The following ASCC3 variants were observed in gnomAD, a reference collection of about 807,000 sequenced individuals.
ASCC3 encodes activating signal cointegrator 1 complex subunit 3, also known as ASC-1 complex subunit P200.
Under a neutral mutation model 256.3 loss-of-function variants are expected in ASCC3, and 158 were observed. The observed-to-expected ratio is 0.62, with a 90% CI of 0.54 to 0.70. The LOEUF (loss-of-function observed/expected upper bound fraction) is 0.70. ASCC3 is among the 30% of genes least tolerant of loss of function. The pLI is 0.00. For missense variants in ASCC3, 2,259 were observed against 2,626.0 expected (o/e 0.86, Z 3.05); for synonymous variants, 948 against 883.4 (o/e 1.07, Z -1.30).
chr6:100,782,624 T>TCA (rs2114263887), intron 8 of ASCC3, among the ~76,000 whole-genome samples: 1 of 152,300 alleles, frequency 6.6e-6, no homozygotes, highest in South Asian at 2.1e-4. Context: ...AAATTATTTG[T>TCA]AATACCAAAA....
chr6:100,811,115 C>A (rs893976840), intron 4 of ASCC3, among the ~76,000 whole-genome samples: 1 of 152,066 alleles, frequency 6.6e-6, no homozygotes, highest in Non-Finnish European at 1.5e-5. Flanking sequence ...GGAGTTGAAT[C>A]AAAAAATCAC....
intron 22 of ASCC3, among the ~76,000 whole-genome samples, chr6:100,644,933 G>C (rs2114898579): frequency 1.3e-5 from 2 of 152,300 alleles, no homozygotes; most frequent in South Asian, 4.1e-4. Flanking sequence ...TGGGTGAAAA[G>C]TTCCTGGTCT....
intron 11 of ASCC3, among the ~76,000 whole-genome samples, chr6:100,719,236 T>C (rs1779214822): frequency 6.6e-6 from 1 of 152,070 alleles, no homozygotes; most frequent in Non-Finnish European, 1.5e-5. Flanking sequence ...TATAAATTTG[T>C]TTTCACTGAA....
chr6:100,519,890 G>GAAATAAATT (rs1562089508), intron 37 of ASCC3, among the ~76,000 whole-genome samples: 1 of 152,046 alleles, frequency 6.6e-6, no homozygotes, highest in African/African-American at 2.4e-5. Context: ...CTACTTATAT[G>GAAATAAATT]AAATAAATTA....
Position 100,629,005 on chromosome 6 carries a change from T to C in ASCC3, c.4375+10A>G, listed in dbSNP as rs775861040. On this transcript the variant is annotated intron_variant, in intron 27 of 41. Coordinates refer to ENST00000369162, the MANE Select transcript of ASCC3 (RefSeq NM_006828.4). ...GTTTGTAAACTGGCTTTAGATACAG[T>C]GGTACCTACCAAGCAGATGGATCTC... 6 of 1,611,382 alleles carry C rather than the reference T, an allele frequency of 3.7e-6. No individual in the cohort carries two copies. In the East Asian group the frequency reaches 8.9e-5, roughly 24 times the overall value.
At chr6:100,676,743 C>T (rs970088144) in intron 14 of ASCC3, among the ~76,000 whole-genome samples, 43 of 129,682 alleles carry the variant, frequency 3.3e-4, no homozygotes, top group African/African-American at 8.6e-4. Context: ...TGTGCGCGCG[C>T]GTGCGCGCAC....
chr6:100,821,619 T>C (rs781414699), intron 4 of ASCC3, among the ~76,000 whole-genome samples: 5 of 151,492 alleles, frequency 3.3e-5, no homozygotes, highest in Non-Finnish European at 5.9e-5. Context: ...AGGTCAGGAG[T>C]TCGAGGCCAG....
At chr6:100,721,797 TG>T (rs34171429) in intron 11 of ASCC3, among the ~76,000 whole-genome samples, 67,045 of 150,554 alleles carry the variant, frequency 0.45, 15,061 homozygotes, top group South Asian at 0.6. Context: ...AATTTTTTGT[TG>T]TTGTTGTTGC....
chr6:100,658,663 C>G (rs1776039277), intron 16 of ASCC3, among the ~76,000 whole-genome samples: 1 of 151,362 alleles, frequency 6.6e-6, no homozygotes. Context: ...GACAGTATCT[C>G]TATTTACAAG....
At chr6:100,705,366 A>T (rs548827180) in intron 13 of ASCC3, among the ~76,000 whole-genome samples, 19 of 152,188 alleles carry the variant, frequency 1.2e-4, no homozygotes, top group African/African-American at 4.3e-4. Flanking sequence ...TTTTTGAACA[A>T]GAAATTTGTT....
intron 24 of ASCC3, among the ~76,000 whole-genome samples, chr6:100,642,357 C>A (rs1022282998): frequency 6.6e-6 from 1 of 151,292 alleles, no homozygotes; most frequent in Admixed American, 6.6e-5. Context: ...ATTTAACATA[C>A]TAGAAATAAG....
intron 30 of ASCC3, among the ~76,000 whole-genome samples, chr6:100,607,613 AAAT>A (rs1443234573): frequency 1.3e-5 from 2 of 152,042 alleles, no homozygotes; most frequent in Non-Finnish European, 1.5e-5. Context: ...TGTAAATTTG[AAAT>A]AATAACAGTA....
intron 13 of ASCC3, among the ~76,000 whole-genome samples, chr6:100,691,659 G>A (rs544058031): frequency 4.0e-5 from 6 of 151,812 alleles, no homozygotes; most frequent in Non-Finnish European, 7.4e-5. Flanking sequence ...AATCATACAC[G>A]TTAATTTTAC....
At position 100,800,345 on chromosome 6, in the gene ASCC3, G is replaced by A. The variant is rs201847382; in HGVS notation, c.1082C>T (p.Ser361Leu). The part of the protein sequence containing the change: ...EKKAGEDLEV[S>L]EGLMCFDPKE... ...AGGATCAAAGCACATAAGTCCTTCTGAAACTTCTAAATCTTCTCCAGCCTT... is the reference window on the plus strand; with the variant it reads ...AGGATCAAAGCACATAAGTCCTTCTAAAACTTCTAAATCTTCTCCAGCCTT... Residue 361 changes from serine (S) to leucine (L), a missense_variant, in exon 6 of 42, where the codon TCA becomes TTA. Ser to Leu is a moderately radical substitution (Grantham distance 145). This residue lies in a region of ASCC3 where 420 missense variants were observed against 419.3 expected (regional missense o/e 1.00). Transcript: ENST00000369162. 1 of 1,612,968 alleles carries A rather than the reference G, an allele frequency of 6.2e-7. No individual in the cohort carries two copies. Among genetic ancestry groups the A allele is most frequent in the African/African-American group, 1.3e-5 (1 of 74,988 alleles).
chr6:100,548,040 C>T (rs1222991559), intron 36 of ASCC3, among the ~76,000 whole-genome samples: 1 of 128,906 alleles, frequency 7.8e-6, no homozygotes, highest in East Asian at 2.2e-4. Context: ...GAAGCCAGAC[C>T]AAAAAAAAAA....
chr6:100,546,503 A>G (rs1775724096), intron 36 of ASCC3, among the ~76,000 whole-genome samples: 2 of 152,194 alleles, frequency 1.3e-5, no homozygotes, highest in Admixed American at 1.3e-4. Flanking sequence ...GCAAACTTAC[A>G]GGAACAGCAC....
intron 4 of ASCC3, among the ~76,000 whole-genome samples, chr6:100,822,767 A>G (rs982202042): frequency 2.6e-5 from 4 of 152,148 alleles, no homozygotes; most frequent in Non-Finnish European, 5.9e-5. Context: ...ACTGTCCTTT[A>G]AATCCTATCA....
At chr6:100,569,206 G>A (rs1019133990) in intron 36 of ASCC3, among the ~76,000 whole-genome samples, 5 of 151,980 alleles carry the variant, frequency 3.3e-5, no homozygotes. Context: ...ATGGGCTAGC[G>A]AGTTTATTGA....
At chr6:100,619,061 T>C (rs1420281444) in intron 30 of ASCC3, among the ~76,000 whole-genome samples, 1 of 152,200 alleles carries the variant, frequency 6.6e-6, no homozygotes, top group African/African-American at 2.4e-5. Flanking sequence ...TGGGGTACTA[T>C]CCTGCAGGAT....
Sources: gnomAD v4.1 joint callset for allele counts (sites outside exome capture counted in the v4.1 genomes callset) on GRCh38, gnomAD v4.1.1 for gene constraint, gnomAD v4.1.1 regional missense constraint, MANE v1.5 for transcripts, NCBI Gene and HGNC (gene_info 2026-07-23, HGNC 2026-07-21) for gene names.